DAB1: variants seen among roughly 807,000 people sequenced by gnomAD.
DAB1 encodes the protein DAB adaptor protein 1.
A neutral mutation model predicts 64.6 loss-of-function variants in DAB1; 15 were observed. The observed-to-expected ratio is 0.23, with a 90% CI of 0.16 to 0.36. The LOEUF is 0.36. DAB1 is among the 10% of genes least tolerant of loss of function. DAB1 has a pLI of 1.00. For synonymous variants in DAB1, 235 were observed against 251.9 expected, an observed-to-expected ratio of 0.93 and a Z score of 0.64; for missense variants, 596 against 706.7, an observed-to-expected ratio of 0.84 and a Z score of 1.78.
intron 7 of DAB1, among the ~76,000 whole-genome samples, chr1:57,551,739 C>T (rs1644916433): frequency 6.6e-6 from 1 of 152,182 alleles, no homozygotes; most frequent in Non-Finnish European, 1.5e-5. Context: ...CGGGAGTTTG[C>T]ATAAGTGGTG....
At chr1:58,172,948 C>A (rs891576148) in intron 4 of DAB1, among the ~76,000 whole-genome samples, 1 of 152,220 alleles carries the variant, frequency 6.6e-6, no homozygotes, top group Non-Finnish European at 1.5e-5. Flanking sequence ...CCATTAAATA[C>A]CACAAGGAAA....
At chr1:57,965,846 C>T (rs918626450) in intron 5 of DAB1, among the ~76,000 whole-genome samples, 1 of 152,008 alleles carries the variant, frequency 6.6e-6, no homozygotes, top group Admixed American at 6.6e-5. Flanking sequence ...AAGAAATAGA[C>T]CATTAAAGTG....
chr1:57,128,952 C>G (rs1657392902), intron 4 of DAB1, among the ~76,000 whole-genome samples: 1 of 152,184 alleles, frequency 6.6e-6, no homozygotes, highest in Non-Finnish European at 1.5e-5. Context: ...CCACAATGTA[C>G]TGGATATTTG....
At chr1:57,327,035 C>T (rs765440837) in intron 1 of DAB1, among the ~76,000 whole-genome samples, 31 of 152,118 alleles carry the variant, frequency 2.0e-4, no homozygotes, top group Non-Finnish European at 3.7e-4. Flanking sequence ...ACCTCCCAGG[C>T]TCAAGTGATT....
chr1:57,318,645 A>G lies in DAB1; in HGVS notation c.-136-27479T>C, dbSNP rs143094882. ...ATCTCATTGGATTCTTCCACCCTCT[A>G]TTAGAGAAAATATGCATAGGGCACG... On this transcript the variant is annotated intron_variant, in intron 1 of 14. Transcript: ENST00000371236. Among the ~76,000 whole-genome samples the G allele has an allele frequency of 3.0e-4, 45 of 151,244 alleles. No individual in the cohort carries two copies. The East Asian group carries it at 6.0e-3, about 20-fold the overall frequency.
At chr1:57,201,463 C>T (rs1665091338) in intron 2 of DAB1, among the ~76,000 whole-genome samples, 2 of 152,110 alleles carry the variant, frequency 1.3e-5, no homozygotes, top group Non-Finnish European at 2.9e-5. Context: ...CATGCCCACC[C>T]TTAACCAATT....
At chr1:58,094,332 G>A (rs1053101292) in intron 5 of DAB1, among the ~76,000 whole-genome samples, 2 of 152,170 alleles carry the variant, frequency 1.3e-5, no homozygotes, top group African/African-American at 2.4e-5. Flanking sequence ...TCTTTGAGTG[G>A]ATTGTTTTCC....
intron 4 of DAB1, among the ~76,000 whole-genome samples, chr1:58,205,984 A>G (rs1557695228): frequency 6.6e-6 from 1 of 152,026 alleles, no homozygotes; most frequent in Non-Finnish European, 1.5e-5. Flanking sequence ...TTTTTTAATC[A>G]TTATGGTTTT....
intron 4 of DAB1, among the ~76,000 whole-genome samples, chr1:58,314,805 T>A (rs149102688): frequency 3.9e-5 from 6 of 152,330 alleles, no homozygotes; most frequent in African/African-American, 1.4e-4. Context: ...TTTAAGAGTG[T>A]CTATCATAAC....
intron 9 of DAB1, among the ~76,000 whole-genome samples, chr1:57,052,258 G>C (rs569862978): frequency 1.3e-5 from 2 of 152,088 alleles, no homozygotes; most frequent in African/African-American, 2.4e-5. Context: ...TAGTACATAT[G>C]GTTAGTGGCT....
chr1:57,820,582 T>A (rs1652071689), intron 6 of DAB1, among the ~76,000 whole-genome samples: 1 of 152,186 alleles, frequency 6.6e-6, no homozygotes, highest in Non-Finnish European at 1.5e-5. Context: ...TTAAATACAT[T>A]TCGAATGTGT....
intron 5 of DAB1, among the ~76,000 whole-genome samples, chr1:57,889,748 G>T (rs185361590): frequency 4.6e-5 from 7 of 152,234 alleles, no homozygotes; most frequent in Admixed American, 3.3e-4. Flanking sequence ...TCTTAGACTG[G>T]CTGTATATTG....
intron 3 of DAB1, among the ~76,000 whole-genome samples, chr1:58,360,422 T>G (rs1326705635): frequency 6.6e-6 from 1 of 152,160 alleles, no homozygotes. Flanking sequence ...GCACCATCTC[T>G]GCACACTTAG....
intron 9 of DAB1, among the ~76,000 whole-genome samples, chr1:57,026,909 G>T (rs1646807448): frequency 6.6e-6 from 1 of 152,160 alleles, no homozygotes; most frequent in Admixed American, 6.6e-5. Flanking sequence ...TCTATGGCGT[G>T]ACTTAATTAT....
At chr1:57,978,310 TG>T (rs1645973118) in intron 5 of DAB1, among the ~76,000 whole-genome samples, 1 of 152,062 alleles carries the variant, frequency 6.6e-6, no homozygotes, top group Admixed American at 6.6e-5. Flanking sequence ...AAATAAGCAA[TG>T]GGGAAAAGAT....
chr1:57,238,846 C>CACACACACAT (rs1341385661), intron 2 of DAB1, among the ~76,000 whole-genome samples: 15 of 140,758 alleles, frequency 1.1e-4, no homozygotes, highest in African/African-American at 4.0e-4. Context: ...CATGCGCACA[C>CACACACACAT]ACACACACAC....
chr1:58,112,492 C>T (rs1652031278), intron 5 of DAB1, among the ~76,000 whole-genome samples: 2 of 152,166 alleles, frequency 1.3e-5, no homozygotes, highest in Non-Finnish European at 2.9e-5. Context: ...TGTGTAATCC[C>T]AAACCTGAGA....
intron 11 of DAB1, among the ~76,000 whole-genome samples, chr1:57,017,911 T>C (rs1049531024): frequency 6.6e-6 from 1 of 152,158 alleles, no homozygotes; most frequent in Non-Finnish European, 1.5e-5. Context: ...GGAGTGCTAC[T>C]GCCCCCTAGG....
chr1:57,214,783 C>A (rs1159380085), intron 2 of DAB1, among the ~76,000 whole-genome samples: 1 of 151,566 alleles, frequency 6.6e-6, no homozygotes, highest in Admixed American at 6.6e-5. Flanking sequence ...TGGTGGCGGG[C>A]ACCTGTAGTC....
Sources: gnomAD v4.1 joint callset for allele counts (sites outside exome capture counted in the v4.1 genomes callset) on GRCh38, gnomAD v4.1.1 for gene constraint, MANE v1.5 for transcripts, NCBI Gene and HGNC (gene_info 2026-07-23, HGNC 2026-07-21) for gene names.